The following HMGCLL1 variants were observed in gnomAD, a reference collection of about 807,000 sequenced individuals.
HMGCLL1 encodes the protein 3-hydroxy-3-methylglutaryl-CoA lyase like 1, also known as 3-hydroxymethyl-3-methylglutaryl-CoA lyase, cytoplasmic.
HMGCLL1 carries 36 observed loss-of-function variants against 39.1 expected under a neutral mutation model. The observed-to-expected ratio is 0.92, with a 90% confidence interval of 0.71 to 1.22. The LOEUF is 1.22. Among genes scored for constraint, HMGCLL1 ranks in the 50% most tolerant of loss-of-function variants. The pLI is 0.00. For synonymous variants in HMGCLL1, 149 were observed against 144.0 expected (o/e 1.03, Z -0.25); for missense variants, 451 against 416.5 (o/e 1.08, Z -0.72).
the HMGCLL1 span, among the ~76,000 whole-genome samples, chr6:55,645,341 C>CA: frequency 6.6e-6 from 1 of 151,886 alleles, no homozygotes; most frequent in African/African-American, 2.4e-5. Context: ...ATACCACCTG[C>CA]AATTGAGGAT....
intron 3 of HMGCLL1, 129 bp from the exon 4 acceptor site, chr6:55,516,732 A>C: frequency 2.0e-6 from 1 of 499,614 alleles, no homozygotes; most frequent in East Asian, 2.9e-5. Flanking sequence ...AATAAAAAAA[A>C]ATGCCAGTGA....
At chr6:55,595,893 A>T in the HMGCLL1 span, among the ~76,000 whole-genome samples, 2 of 152,226 alleles carry the variant, frequency 1.3e-5, no homozygotes, top group Non-Finnish European at 2.9e-5. Context: ...TTTACTCTTC[A>T]GTGGTCATCT....
At chr6:55,481,378 T>C (rs979533051) in intron 7 of HMGCLL1, among the ~76,000 whole-genome samples, 1 of 151,890 alleles carries the variant, frequency 6.6e-6, no homozygotes, top group African/African-American at 2.4e-5. Flanking sequence ...TTATTGTACA[T>C]TTAAAAATAA....
chr6:55,475,803 C>G (rs1765258747), intron 7 of HMGCLL1, among the ~76,000 whole-genome samples: 1 of 150,606 alleles, frequency 6.6e-6, no homozygotes, highest in Admixed American at 6.6e-5. Flanking sequence ...ATTTTTTTTT[C>G]TGTATGAATA....
rs760873075 is a variant in HMGCLL1, at chr6:55,516,493, T to C, written c.393+15A>G. 3.3e-6 allele frequency: 5 copies of C among 1,535,006 alleles called. No homozygotes were observed. The highest frequency in any genetic ancestry group is 3.4e-5 in the Admixed American group (2 of 59,206). ...AGAGGCCTATCAATTTTAGAGATAT[T>C]AGTAGCACACTTACAGCATGGTGAA... On this transcript the variant is annotated intron_variant, in intron 4 of 8. Coordinates refer to ENST00000274901, the MANE Select transcript of HMGCLL1 (RefSeq NM_001042406.2).
chr6:55,637,578 A>C, the HMGCLL1 span, among the ~76,000 whole-genome samples: 1 of 152,062 alleles, frequency 6.6e-6, no homozygotes, highest in Non-Finnish European at 1.5e-5. Context: ...GGTCTCTCTT[A>C]ATTTCATTTA....
chr6:55,538,148 G>T (rs1013306760), intron 3 of HMGCLL1, among the ~76,000 whole-genome samples: 8 of 151,956 alleles, frequency 5.3e-5, no homozygotes, highest in Admixed American at 3.9e-4. Context: ...TTCCACTCTT[G>T]CATAATACTA....
At chr6:55,676,400 A>G in the HMGCLL1 span, among the ~76,000 whole-genome samples, 1 of 152,162 alleles carries the variant, frequency 6.6e-6, no homozygotes, top group Non-Finnish European at 1.5e-5. Flanking sequence ...ATTCAGACCA[A>G]CGTCTTCCAA....
At chr6:55,670,250 A>G in the HMGCLL1 span, among the ~76,000 whole-genome samples, 1 of 151,802 alleles carries the variant, frequency 6.6e-6, no homozygotes, top group Non-Finnish European at 1.5e-5. Context: ...TATCTCCAAA[A>G]AAAATATCCT....
At chr6:55,447,988 G>T (rs1763928739) in intron 7 of HMGCLL1, among the ~76,000 whole-genome samples, 1 of 152,116 alleles carries the variant, frequency 6.6e-6, no homozygotes, top group African/African-American at 2.4e-5. Context: ...TGAATTAGAA[G>T]AAGAACATCG....
chr6:55,655,721 C>T, the HMGCLL1 span, among the ~76,000 whole-genome samples: 1 of 151,970 alleles, frequency 6.6e-6, no homozygotes. Flanking sequence ...ACCAACACTT[C>T]TTTATACTAT....
At chr6:55,609,797 T>C in the HMGCLL1 span, among the ~76,000 whole-genome samples, 49,414 of 151,818 alleles carry the variant, frequency 0.33, 8,861 homozygotes, top group African/African-American at 0.47. Context: ...CGGTGCCCCT[T>C]GAGGTCAGAG....
chr6:55,499,677 T>C (rs1032026854), intron 5 of HMGCLL1, among the ~76,000 whole-genome samples: 1 of 152,042 alleles, frequency 6.6e-6, no homozygotes, highest in African/African-American at 2.4e-5. Context: ...TTTGGAAACA[T>C]ACAAGGAGAT....
At chr6:55,635,662 G>A in the HMGCLL1 span, among the ~76,000 whole-genome samples, 1 of 152,092 alleles carries the variant, frequency 6.6e-6, no homozygotes, top group African/African-American at 2.4e-5. Context: ...GCATTATATT[G>A]AATAATCTGC....
At position 55,480,994 on chromosome 6, in the gene HMGCLL1, G is replaced by A. The variant is rs112159366; in HGVS notation, c.795+14425C>T. 6.1e-4 allele frequency among the ~76,000 whole-genome samples: 93 copies of A among 152,178 alleles called. No homozygotes were observed. In the East Asian group the frequency reaches 7.2e-3, roughly 12 times the overall value. On this transcript the variant is annotated intron_variant, in intron 7 of 8. Coordinates refer to ENST00000274901, the MANE Select transcript of HMGCLL1 (RefSeq NM_001042406.2). ...ACCAGAGGCTAGGAAGGGTAATGTC[G>A]TAAGGAGTGGGAATGGTTAATGGGT...
the HMGCLL1 span, among the ~76,000 whole-genome samples, chr6:55,610,424 A>G: frequency 1.6e-4 from 24 of 152,002 alleles, no homozygotes; most frequent in Admixed American, 1.6e-3. Context: ...CAAGCAGAAG[A>G]AAGAATATCA....
At chr6:55,498,300 C>A (rs1266622732) in intron 6 of HMGCLL1, among the ~76,000 whole-genome samples, 2 of 151,998 alleles carry the variant, frequency 1.3e-5, no homozygotes, top group Admixed American at 1.3e-4. Flanking sequence ...GGGTCCCATG[C>A]AAGTGAAAAA....
chr6:55,643,744 A>T, the HMGCLL1 span, among the ~76,000 whole-genome samples: 1 of 152,010 alleles, frequency 6.6e-6, no homozygotes, highest in African/African-American at 2.4e-5. Flanking sequence ...TTCACTTAAA[A>T]TAATGACCTC....
At chr6:55,548,346 C>T (rs949510835) in intron 1 of HMGCLL1, among the ~76,000 whole-genome samples, 1 of 151,964 alleles carries the variant, frequency 6.6e-6, no homozygotes, top group Non-Finnish European at 1.5e-5. Flanking sequence ...AATGGAAAAT[C>T]AGTACAGAGT....
Sources: allele counts gnomAD v4.1 joint callset (sites outside exome capture counted in the v4.1 genomes callset), GRCh38; gene constraint gnomAD v4.1.1; transcripts MANE v1.5; gene names NCBI Gene and HGNC (gene_info 2026-07-23, HGNC 2026-07-21).